The following CRHR1 variants were observed in gnomAD, a reference collection of about 807,000 sequenced individuals.
The protein encoded by CRHR1 is corticotropin-releasing hormone receptor 1.
CRHR1 carries 28 observed loss-of-function variants against 56.0 expected under a neutral mutation model. The ratio of observed to expected loss-of-function variants is 0.50; its 90% CI spans 0.37 to 0.69. The LOEUF (loss-of-function observed/expected upper bound fraction) is 0.69, where lower values mean the gene tolerates loss of function less well. CRHR1 is among the 30% of genes least tolerant of loss of function. The pLI is 0.00. For synonymous variants in CRHR1, 195 were observed against 216.5 expected, an observed-to-expected ratio of 0.90 and a Z score of 0.87; for missense variants, 376 against 548.0, an observed-to-expected ratio of 0.69 and a Z score of 3.13.
At chr17:45,788,997 C>G (rs1402161800) in intron 1 of CRHR1, among the ~76,000 whole-genome samples, 1 of 152,148 alleles carries the variant, frequency 6.6e-6, no homozygotes, top group African/African-American at 2.4e-5. Flanking sequence ...CCCCTTAAGC[C>G]CACTGTGGTT....
rs1291619592 is a variant in CRHR1 at position 45,834,815 on chromosome 17, G to A, written c.*51G>A. On this transcript the variant is annotated 3_prime_UTR_variant, in exon 13 of 13. Transcript: ENST00000314537. Reference sequence around the variant, plus strand: ...AAAGAGCTGTGGCTGGGGGGATGACGGCCAGGCTCCCTGACCACCCTGCCT... The same window carrying A: ...AAAGAGCTGTGGCTGGGGGGATGACAGCCAGGCTCCCTGACCACCCTGCCT... 8.1e-6 allele frequency: 13 copies of A among 1,608,640 alleles called. No individual in the cohort carries two copies. Among genetic ancestry groups the A allele is most frequent in the East Asian group, 6.7e-5 (3 of 44,796 alleles).
rs537840631 is a variant in CRHR1 at position 45,817,579 on chromosome 17, G to T, written c.241+997G>T. ...GATGTCTTCCAGCTCAAAACTCCCA[G>T]ATTCCTTCTCCTGCCCCTCTTTCCT... On this transcript the variant is annotated intron_variant, in intron 3 of 12. Transcript: ENST00000314537. Among the ~76,000 whole-genome samples, 751 of 152,362 alleles carry T rather than the reference G, an allele frequency of 4.9e-3. 5 individuals are homozygous for T. The highest frequency in any genetic ancestry group is 8.5e-3 in the Non-Finnish European group (579 of 68,034).
At chr17:45,819,816 A>T (rs1598431662) in intron 3 of CRHR1, among the ~76,000 whole-genome samples, 1 of 152,240 alleles carries the variant, frequency 6.6e-6, no homozygotes, top group East Asian at 1.9e-4. Context: ...GGGACCAGGG[A>T]GGGGAATGGA....
intron 4 of CRHR1, among the ~76,000 whole-genome samples, chr17:45,823,142 C>CAAAAAA (rs1226446573): frequency 1.3e-5 from 1 of 76,330 alleles, no homozygotes; most frequent in African/African-American, 4.6e-5. Context: ...GACTCTGTCT[C>CAAAAAA]AAAAAAAAAA....
intron 1 of CRHR1, among the ~76,000 whole-genome samples, chr17:45,785,503 C>T (rs1347360624): frequency 1.3e-5 from 2 of 152,232 alleles, no homozygotes; most frequent in African/African-American, 4.8e-5. Context: ...TGCCGGGACA[C>T]CCCGCTTCGC....
At chr17:45,830,669 G>A (rs2062284978) in intron 7 of CRHR1, 99 bp downstream of exon 7, 4 of 1,470,748 alleles carry the variant, frequency 2.7e-6, no homozygotes, top group Non-Finnish European at 3.7e-6. Context: ...CTGAGGGATG[G>A]AGGTCGGGTT....
chr17:45,797,556 G>A, intron 1 of CRHR1, among the ~76,000 whole-genome samples: 1 of 151,974 alleles, frequency 6.6e-6, no homozygotes, highest in East Asian at 1.9e-4. Context: ...GGGATTACAG[G>A]CATGAGCCAC....
At position 45,784,727 on chromosome 17, in the gene CRHR1, C is replaced by A; in HGVS notation, c.33+150C>A. On this transcript the variant is annotated intron_variant, in intron 1 of 12. Transcript: ENST00000314537. This position sits in a 1 kb window ranked among gnomAD's most constrained non-coding sequence, Gnocchi z 4.2. ...GGCTGGGCTCCGGGGCAGCCTAACT[C>A]TCTGGACCTTTGGAGCCAGGGTTGG... 2.5e-6 allele frequency: 2 copies of A among 805,338 alleles called. No individual in the cohort carries two copies. Among genetic ancestry groups the A allele is most frequent in the Non-Finnish European group, 3.5e-6 (2 of 566,232 alleles). 49.9% of individuals were successfully genotyped at this position (805,338 alleles called of 1,614,324 possible).
intron 1 of CRHR1, among the ~76,000 whole-genome samples, chr17:45,804,328 C>T (rs2061681069): frequency 6.6e-6 from 1 of 152,074 alleles, no homozygotes; most frequent in South Asian, 2.1e-4. Context: ...AGAGTATCAG[C>T]AAGGGAATGG....
chr17:45,833,602 GTGCCAGAGACC>G, intron 10 of CRHR1, 65 bp downstream of exon 10: 1 of 1,591,250 alleles, frequency 6.3e-7, no homozygotes, highest in South Asian at 1.1e-5. Flanking sequence ...TGCCTCTCAC[GTGCCAGAGACC>G]TGCCACTCCC....
intron 3 of CRHR1, 23 bp from the exon 4 acceptor site, chr17:45,821,332 C>T: frequency 6.2e-7 from 1 of 1,611,378 alleles, no homozygotes. Context: ...CCCGCCATCA[C>T]TGCCTCTCTC....
At chr17:45,794,130 A>C (rs2146268969) in intron 1 of CRHR1, among the ~76,000 whole-genome samples, 1 of 152,368 alleles carries the variant, frequency 6.6e-6, no homozygotes, top group South Asian at 2.1e-4. Context: ...TTTCCAATCC[A>C]TGGCCAACTG....
chr17:45,806,275 C>A (rs2061716859), intron 1 of CRHR1, among the ~76,000 whole-genome samples: 1 of 152,216 alleles, frequency 6.6e-6, no homozygotes. Context: ...ATCAGAGTGA[C>A]ACGGAGCCTT....
intron 2 of CRHR1, 71 bp from the exon 3 acceptor site, chr17:45,816,392 G>T: frequency 6.3e-7 from 1 of 1,593,040 alleles, no homozygotes; most frequent in Non-Finnish European, 8.5e-7. Flanking sequence ...CAGAACTCTG[G>T]AATGTCCTCT....
chr17:45,815,992 G>A (rs572215563), intron 2 of CRHR1, among the ~76,000 whole-genome samples: 2 of 152,336 alleles, frequency 1.3e-5, no homozygotes, highest in East Asian at 3.9e-4. Flanking sequence ...CTTCCCTGCA[G>A]GGCCAGGGTA....
intron 1 of CRHR1, 129 bp from the exon 2 acceptor site, chr17:45,806,881 A>G (rs1468404621): frequency 5.7e-6 from 4 of 702,396 alleles, no homozygotes; most frequent in African/African-American, 5.3e-5. Context: ...AAGCGACTGG[A>G]TGTGTGACAG....
At chr17:45,832,673 C>T (rs2062341818) in intron 8 of CRHR1, among the ~76,000 whole-genome samples, 1 of 152,300 alleles carries the variant, frequency 6.6e-6, no homozygotes, top group East Asian at 1.9e-4. Flanking sequence ...GCAAGTATTC[C>T]TCTCAAGGTT....
At chr17:45,791,852 T>TCTCACACACACA (rs60388646) in intron 1 of CRHR1, among the ~76,000 whole-genome samples, 37 of 121,094 alleles carry the variant, frequency 3.1e-4, no homozygotes, top group African/African-American at 8.8e-4. Context: ...TCTCTCTCTC[T>TCTCACACACACA]CACACACACA....
At chr17:45,788,338 G>A (rs2061370066) in intron 1 of CRHR1, among the ~76,000 whole-genome samples, 2 of 152,176 alleles carry the variant, frequency 1.3e-5, no homozygotes, top group African/African-American at 4.8e-5. Context: ...TGTAAACAGG[G>A]GTATTGGACT....
Sources: allele counts gnomAD v4.1 joint callset (sites outside exome capture counted in the v4.1 genomes callset), GRCh38; gene constraint gnomAD v4.1.1; non-coding constraint Gnocchi (gnomAD v3.1); transcripts MANE v1.5; gene names NCBI Gene and HGNC (gene_info 2026-07-23, HGNC 2026-07-21).